RARB: variants seen among roughly 807,000 people sequenced by gnomAD.
RARB encodes the protein HBV-activated protein.
In RARB, 17 loss-of-function variants were observed where a neutral mutation model predicts 51.9. The observed-to-expected ratio is 0.33, with a 90% CI of 0.22 to 0.49. The LOEUF is 0.49. Among genes scored for constraint, RARB ranks in the 20% least tolerant of loss-of-function variants. The probability of loss-of-function intolerance (pLI) is 0.99; values close to 1 mark genes in which losing one functional copy is unlikely to be tolerated. For missense variants in RARB, 369 were observed against 550.8 expected (o/e 0.67, Z 3.30); for synonymous variants, 215 against 195.4 (o/e 1.10, Z -0.84).
intron 5 of RARB, among the ~76,000 whole-genome samples, chr3:25,420,383 T>G (rs1290670852): frequency 6.6e-6 from 1 of 152,198 alleles, no homozygotes; most frequent in Non-Finnish European, 1.5e-5. Flanking sequence ...CAGAAACTTT[T>G]GTGTTGCTAA....
At chr3:24,994,403 C>G (rs1696978081) in intron 2 of RARB, among the ~76,000 whole-genome samples, 1 of 152,050 alleles carries the variant, frequency 6.6e-6, no homozygotes, top group African/African-American at 2.4e-5. Flanking sequence ...TATTAATCCC[C>G]TATCAGATGA....
chr3:25,086,114 T>C, intron 3 of RARB, among the ~76,000 whole-genome samples: 1 of 152,168 alleles, frequency 6.6e-6, no homozygotes, highest in East Asian at 1.9e-4. Flanking sequence ...TAATGGAGGT[T>C]CAGTCAACTA....
At chr3:24,879,573 C>G (rs941107096) in intron 2 of RARB, among the ~76,000 whole-genome samples, 6 of 149,958 alleles carry the variant, frequency 4.0e-5, no homozygotes, top group Non-Finnish European at 2.9e-5. Context: ...TCTGTAATCC[C>G]AGCACTCTGG....
At chr3:25,320,741 G>A (rs185059198) in intron 5 of RARB, among the ~76,000 whole-genome samples, 23 of 152,258 alleles carry the variant, frequency 1.5e-4, no homozygotes, top group African/African-American at 5.5e-4. Flanking sequence ...AGCTTTTTGT[G>A]AAACCTGGGG....
chr3:25,106,454 T>TTTTTTTTTTTTG lies in RARB; in HGVS notation c.-327-25704_-327-25703insTTTTTTTTGTTT, dbSNP rs1559468513. On this transcript the variant is annotated intron_variant, in intron 3 of 11. Coordinates refer to the RARB transcript ENST00000383772. ...CCATGCCCAGCTACTGTTTTTTGTT[T>TTTTTTTTTTTTG]TTTGTTTTTTTTTGTTTTGTTTTTT... 3.3e-4 allele frequency among the ~76,000 whole-genome samples: 30 copies of TTTTTTTTTTTTG among 89,912 alleles called. 1 individual carries two copies. Among genetic ancestry groups the TTTTTTTTTTTTG allele is most frequent in the Admixed American group, 1.0e-3 (7 of 6,846 alleles). 59.0% of individuals were successfully genotyped at this position (89,912 alleles called of 152,430 possible).
At chr3:25,557,418 G>A (rs1286762) in intron 3 of RARB, among the ~76,000 whole-genome samples, 36,679 of 151,958 alleles carry the variant, frequency 0.24, 5,038 homozygotes, top group African/African-American at 0.37. Context: ...GGCTCTCTCC[G>A]CAGCCTATCA....
intron 2 of RARB, among the ~76,000 whole-genome samples, chr3:24,960,879 T>A (rs1696126051): frequency 6.6e-6 from 1 of 152,140 alleles, no homozygotes; most frequent in South Asian, 2.1e-4. Flanking sequence ...CATAAAAATG[T>A]TTGGTAGGAT....
At chr3:25,124,736 T>C (rs972289682) in intron 3 of RARB, among the ~76,000 whole-genome samples, 7 of 152,236 alleles carry the variant, frequency 4.6e-5, no homozygotes, top group Non-Finnish European at 7.3e-5. Context: ...GTATTTGCTT[T>C]CTTTTCCCAT....
At chr3:25,556,980 T>G (rs1270369978) in intron 3 of RARB, among the ~76,000 whole-genome samples, 1 of 152,268 alleles carries the variant, frequency 6.6e-6, no homozygotes, top group Non-Finnish European at 1.5e-5. Flanking sequence ...TAGTAATTCT[T>G]GTAAACAATT....
At chr3:25,543,789 C>G (rs1023086337) in intron 3 of RARB, among the ~76,000 whole-genome samples, 1 of 152,142 alleles carries the variant, frequency 6.6e-6, no homozygotes, top group African/African-American at 2.4e-5. Context: ...ATTGGAAATG[C>G]AAAAGTAACC....
intron 3 of RARB, among the ~76,000 whole-genome samples, chr3:25,103,336 A>C (rs763101464): frequency 1.2e-4 from 18 of 152,170 alleles, no homozygotes; most frequent in Non-Finnish European, 4.4e-5. Flanking sequence ...TGACAGGAGA[A>C]ATGAACTGGC....
At chr3:25,447,036 G>T (rs1008994793) in intron 1 of RARB, among the ~76,000 whole-genome samples, 1 of 151,606 alleles carries the variant, frequency 6.6e-6, no homozygotes, top group Non-Finnish European at 1.5e-5. Flanking sequence ...AAAACTGATC[G>T]TGTTAATAAT....
chr3:25,294,383 C>A (rs1219561395), intron 5 of RARB, among the ~76,000 whole-genome samples: 1 of 152,156 alleles, frequency 6.6e-6, no homozygotes, highest in Non-Finnish European at 1.5e-5. Flanking sequence ...TTCTCTCTAC[C>A]AGTCAGCATC....
chr3:24,844,889 A>G (rs1702467450), intron 1 of RARB, among the ~76,000 whole-genome samples: 1 of 152,170 alleles, frequency 6.6e-6, no homozygotes, highest in Admixed American at 6.5e-5. Flanking sequence ...TTTTGGAGCC[A>G]TCCCACCTCA....
chr3:25,434,253 C>T (rs1432750397), intron 1 of RARB, among the ~76,000 whole-genome samples: 1 of 152,080 alleles, frequency 6.6e-6, no homozygotes, highest in Non-Finnish European at 1.5e-5. Flanking sequence ...GTGATGATGT[C>T]CCTGATTTCC....
intron 5 of RARB, among the ~76,000 whole-genome samples, chr3:25,350,246 C>G (rs768884690): frequency 1.3e-5 from 2 of 152,052 alleles, no homozygotes; most frequent in African/African-American, 2.4e-5. Context: ...CTTTGGAGCC[C>G]ACCAAAGCAA....
At chr3:25,265,951 T>A (rs769725585) in intron 5 of RARB, among the ~76,000 whole-genome samples, 8 of 152,138 alleles carry the variant, frequency 5.3e-5, no homozygotes, top group Non-Finnish European at 1.2e-4. Flanking sequence ...TGGCCCCAAT[T>A]CCTTCACCTC....
intron 3 of RARB, among the ~76,000 whole-genome samples, chr3:25,091,287 T>C (rs1285947040): frequency 6.6e-6 from 1 of 152,166 alleles, no homozygotes; most frequent in African/African-American, 2.4e-5. Flanking sequence ...AAGATACACA[T>C]CTCTTTATGA....
In RARB at chr3:25,521,426, T is replaced by G. The variant is rs532587361; in HGVS notation, c.448+20103T>G. ...TGAATCAACATGTGAACTTTGCTGC[T>G]GCAGAGAGCTGACAGCTGCTTCTGA... On this transcript the variant is annotated intron_variant, in intron 3 of 7. Coordinates refer to ENST00000330688, the MANE Select transcript of RARB (RefSeq NM_000965.5). Among the ~76,000 whole-genome samples the G allele has an allele frequency of 5.9e-5, 9 of 152,288 alleles. 1 individual carries two copies. Among genetic ancestry groups the G allele is most frequent in the African/African-American group, 2.2e-4 (9 of 41,572 alleles).
Sources: gnomAD v4.1 joint callset for allele counts (sites outside exome capture counted in the v4.1 genomes callset) on GRCh38, gnomAD v4.1.1 for gene constraint, MANE v1.5 for transcripts, NCBI Gene and HGNC (gene_info 2026-07-23, HGNC 2026-07-21) for gene names.